RGS3: variants seen among roughly 807,000 people sequenced by gnomAD.
RGS3 encodes the protein regulator of G-protein signalling 3.
A neutral mutation model predicts 132.6 loss-of-function variants in RGS3; 80 were observed. That is an observed-to-expected ratio of 0.60 (90% CI 0.50 to 0.73). The LOEUF (loss-of-function observed/expected upper bound fraction) is 0.73, where lower values mean the gene tolerates loss of function less well. Among genes scored for constraint, RGS3 ranks in the 30% least tolerant of loss-of-function variants. RGS3 has a pLI of 0.00. For synonymous variants in RGS3, 598 were observed against 620.6 expected (o/e 0.96, Z 0.54); for missense variants, 1,382 against 1,530.8 (o/e 0.90, Z 1.62).
intron 3 of RGS3, among the ~76,000 whole-genome samples, chr9:113,475,360 T>A (rs1829957624): frequency 2.6e-5 from 4 of 152,216 alleles, no homozygotes; most frequent in Admixed American, 2.6e-4. Flanking sequence ...ATGGGGAGTG[T>A]TGAAAAAAAC....
chr9:113,578,270 A>G (rs1195446721), intron 19 of RGS3, among the ~76,000 whole-genome samples: 3 of 152,116 alleles, frequency 2.0e-5, no homozygotes, highest in Admixed American at 2.0e-4. Flanking sequence ...GACCATGGCT[A>G]TCGTTTATTG....
chr9:113,469,156 C>A (rs1829744168), intron 3 of RGS3, among the ~76,000 whole-genome samples: 1 of 144,430 alleles, frequency 6.9e-6, no homozygotes, highest in Non-Finnish European at 1.5e-5. Context: ...ATAAATAATT[C>A]ATTTTCTGTA....
intron 19 of RGS3, among the ~76,000 whole-genome samples, chr9:113,576,089 A>G (rs930468200): frequency 2.6e-5 from 4 of 151,962 alleles, no homozygotes; most frequent in African/African-American, 9.7e-5. Flanking sequence ...AGTCCCAGCT[A>G]CTTGGGGGGC....
chr9:113,482,830 A>AGT (rs1207097082), intron 4 of RGS3: 1 of 985,826 alleles, frequency 1.0e-6, no homozygotes, highest in Non-Finnish European at 1.4e-6. Context: ...GCTGCCAGAG[A>AGT]GTGGAAGATG....
At chr9:113,484,748 T>C (rs975948538) in intron 6 of RGS3, among the ~76,000 whole-genome samples, 1 of 152,216 alleles carries the variant, frequency 6.6e-6, no homozygotes, top group African/African-American at 2.4e-5. Flanking sequence ...CCAGCTATTA[T>C]TGTTATTATT....
chr9:113,457,096 G>A (rs1398565593), upstream of RGS3, among the ~76,000 whole-genome samples: 2 of 152,020 alleles, frequency 1.3e-5, no homozygotes, highest in African/African-American at 2.4e-5. Flanking sequence ...GCGCCTGGCC[G>A]AGGCCCTGTA....
intron 1 of RGS3, among the ~76,000 whole-genome samples, chr9:113,446,630 TC>T (rs1438641422): frequency 6.6e-6 from 1 of 152,190 alleles, no homozygotes; most frequent in Non-Finnish European, 1.5e-5. Flanking sequence ...GACTGGTAGT[TC>T]CTCGAGAGAA....
At chr9:113,460,235 T>C, upstream of RGS3, 1 of 1,214,690 alleles carries the variant, frequency 8.2e-7, no homozygotes, top group Non-Finnish European at 1.1e-6. Context: ...TAAAATTTTC[T>C]CCTGGCCAGG....
At chr9:113,539,529 C>T (rs767603424) in intron 19 of RGS3, among the ~76,000 whole-genome samples, 22 of 152,130 alleles carry the variant, frequency 1.4e-4, no homozygotes, top group African/African-American at 3.6e-4. Context: ...AGGCTGGTCT[C>T]GAACTCCTGA....
intron 19 of RGS3, among the ~76,000 whole-genome samples, chr9:113,543,477 G>T (rs1832984862): frequency 6.6e-6 from 1 of 152,234 alleles, no homozygotes; most frequent in Non-Finnish European, 1.5e-5. Flanking sequence ...CCTGAAGTGG[G>T]ACCAGTGATA....
chr9:113,548,024 A>C (rs1833185340), intron 19 of RGS3, among the ~76,000 whole-genome samples: 1 of 152,208 alleles, frequency 6.6e-6, no homozygotes, highest in Non-Finnish European at 1.5e-5. Flanking sequence ...GCCTGTAATC[A>C]ATACTTAGGT....
intron 15 of RGS3, 73 bp downstream of exon 13, chr9:113,514,727 C>G: frequency 6.8e-7 from 1 of 1,469,072 alleles, no homozygotes; most frequent in Non-Finnish European, 9.3e-7. Context: ...CCCCAGGACT[C>G]AGGGATGATG....
At chr9:113,500,280 G>T (rs1363670585) in intron 10 of RGS3, among the ~76,000 whole-genome samples, 1 of 152,240 alleles carries the variant, frequency 6.6e-6, no homozygotes, top group Non-Finnish European at 1.5e-5. Context: ...TGCTGTGCAG[G>T]TGGGGAGATG....
At position 113,514,385 on chromosome 9, in the gene RGS3, CCT is replaced by C. The variant is rs1179670447; in HGVS notation, c.1478-72_1478-71del. The stretch of plus-strand genomic sequence containing the variant: ...TTGTTGACGGAATGAGTCCGTGTCC[CCT>C]GTTTCTACAGAGGGGACACCTTTGC... On this transcript the variant is annotated intron_variant, in intron 14 of 24. Transcript: ENST00000350696. 5.9e-6 allele frequency: 8 copies of C among 1,361,078 alleles called. No homozygotes were observed. The African/African-American group carries it at 1.2e-4, about 20-fold the overall frequency. The allele number at this position is 1,361,078 out of a possible 1,614,324, so 84.3% of individuals were successfully genotyped here.
At chr9:113,554,586 C>T (rs1303116103) in intron 19 of RGS3, among the ~76,000 whole-genome samples, 2 of 152,198 alleles carry the variant, frequency 1.3e-5, no homozygotes, top group Non-Finnish European at 1.5e-5. Flanking sequence ...GGATTACAGG[C>T]GTGAGCCACT....
At chr9:113,574,229 G>T (rs1253137408) in intron 19 of RGS3, among the ~76,000 whole-genome samples, 1 of 152,136 alleles carries the variant, frequency 6.6e-6, no homozygotes, top group African/African-American at 2.4e-5. Flanking sequence ...TCAGGGTAAC[G>T]TTGGAATTCC....
chr9:113,452,029 C>T (rs1588125540), intron 1 of RGS3, among the ~76,000 whole-genome samples: 1 of 152,122 alleles, frequency 6.6e-6, no homozygotes, highest in East Asian at 1.9e-4. Flanking sequence ...GTCAGGGGGT[C>T]ACTCTGTTGC....
chr9:113,529,406 C>T (rs535924862), intron 18 of RGS3, 142 bp downstream of exon 16: 24 of 719,052 alleles, frequency 3.3e-5, no homozygotes, highest in African/African-American at 1.2e-4. Flanking sequence ...GCCAGAGTAG[C>T]GGTTTTTTGC....
chr9:113,538,881 C>T (rs747323689), intron 19 of RGS3, among the ~76,000 whole-genome samples: 6 of 152,172 alleles, frequency 3.9e-5, no homozygotes, highest in Non-Finnish European at 7.3e-5. Context: ...ACTGGCATAC[C>T]CCACTTGGGC....
Sources: gnomAD v4.1 joint callset for allele counts (sites outside exome capture counted in the v4.1 genomes callset) on GRCh38, gnomAD v4.1.1 for gene constraint, MANE v1.5 for transcripts, NCBI Gene and HGNC (gene_info 2026-07-23, HGNC 2026-07-21) for gene names.